Variants in CDH12 observed in about 807,000 individuals in gnomAD.
The protein encoded by CDH12 is cadherin-12.
A neutral mutation model predicts 74.1 loss-of-function variants in CDH12; 41 were observed. The ratio of observed to expected loss-of-function variants is 0.55; its 90% CI spans 0.43 to 0.72. The LOEUF (loss-of-function observed/expected upper bound fraction) is 0.72. CDH12 is among the 30% of genes least tolerant of loss of function. CDH12 has a pLI of 0.00. For missense variants in CDH12, 945 were observed against 977.2 expected, an observed-to-expected ratio of 0.97 and a Z score of 0.44; for synonymous variants, 399 against 355.0, an observed-to-expected ratio of 1.12 and a Z score of -1.39.
In CDH12 at chr5:21,805,155, A is replaced by G. The variant is rs189311011; in HGVS notation, c.1003-2735T>C. Among the ~76,000 whole-genome samples, 166 of 152,216 alleles carry G rather than the reference A, an allele frequency of 1.1e-3. 1 individual carries two copies. The highest frequency in any genetic ancestry group is 3.8e-3 in the African/African-American group (158 of 41,568). On this transcript the variant is annotated intron_variant, in intron 9 of 14. Coordinates refer to ENST00000382254, the MANE Select transcript of CDH12 (RefSeq NM_004061.5). ...AGGCAAAAATTAACTTCTATCTTAGAATGTAAACGTTTGTACCAATCATTC... is the reference window on the plus strand; with the variant it reads ...AGGCAAAAATTAACTTCTATCTTAGGATGTAAACGTTTGTACCAATCATTC...
chr5:22,156,383 C>T (rs1748024205), intron 4 of CDH12, among the ~76,000 whole-genome samples: 1 of 152,020 alleles, frequency 6.6e-6, no homozygotes. Context: ...ATTTAATGAG[C>T]ATAATTTTTA....
intron 4 of CDH12, among the ~76,000 whole-genome samples, chr5:22,156,217 T>C (rs2150315177): frequency 6.6e-6 from 1 of 152,276 alleles, no homozygotes; most frequent in South Asian, 2.1e-4. Context: ...TTTCTAACCT[T>C]CTTCTGTCTG....
rs1286513237 is a variant in CDH12, at chr5:21,816,665, A to G, written c.1002+280T>C. Among the ~76,000 whole-genome samples, 4 of 145,008 alleles carry G rather than the reference A, an allele frequency of 2.8e-5. No individual in the cohort carries two copies. In the East Asian group the frequency reaches 8.1e-4, roughly 29 times the overall value. On this transcript the variant is annotated intron_variant, in intron 9 of 14. Transcript: ENST00000382254. ...AAAAAAAAAAAAAAGAATAGAGTAT[A>G]TACTATATATAAGATACAAACTATG... is the stretch of plus-strand genomic sequence containing the variant.
intron 3 of CDH12, among the ~76,000 whole-genome samples, chr5:22,404,536 C>G (rs908473944): frequency 1.9e-4 from 29 of 152,178 alleles, no homozygotes; most frequent in East Asian, 7.7e-4. Flanking sequence ...GAAAAATGTT[C>G]TTACATACTT....
At chr5:22,136,758 T>C (rs1301829771) in intron 4 of CDH12, among the ~76,000 whole-genome samples, 1 of 150,660 alleles carries the variant, frequency 6.6e-6, no homozygotes, top group Non-Finnish European at 1.5e-5. Flanking sequence ...CTGAGTATTG[T>C]AGCTCTAAAG....
chr5:22,769,797 T>G lies in CDH12; in HGVS notation c.-523+83261A>C, dbSNP rs965832633. Among the ~76,000 whole-genome samples the G allele has an allele frequency of 4.6e-5, 7 of 152,072 alleles. No homozygotes were observed. In the East Asian group the frequency reaches 7.7e-4, roughly 17 times the overall value. On this transcript the variant is annotated intron_variant, in intron 1 of 14. Transcript: ENST00000382254. ...ATACAAATAGTATTTTCTTATGATA[T>G]TCTATGGAAATCTAAGTTAGGATTT... is the stretch of plus-strand genomic sequence containing the variant.
At chr5:22,622,689 C>CG (rs1554054561) in intron 1 of CDH12, among the ~76,000 whole-genome samples, 1 of 151,770 alleles carries the variant, frequency 6.6e-6, no homozygotes, top group Non-Finnish European at 1.5e-5. Flanking sequence ...AGTAGCCTAC[C>CG]ACCAAAAAAA....
chr5:21,832,135 G>A (rs188866291), intron 8 of CDH12, among the ~76,000 whole-genome samples: 2 of 151,952 alleles, frequency 1.3e-5, no homozygotes, highest in Admixed American at 6.6e-5. Context: ...ATTTCTAAGG[G>A]ACCTGTCAAT....
At chr5:21,835,263 A>G (rs1464759192) in intron 8 of CDH12, among the ~76,000 whole-genome samples, 1 of 151,936 alleles carries the variant, frequency 6.6e-6, no homozygotes, top group Non-Finnish European at 1.5e-5. Context: ...TTGAGACTAT[A>G]TGAATATACC....
chr5:22,059,355 C>T (rs1741015239), intron 5 of CDH12, among the ~76,000 whole-genome samples: 1 of 105,030 alleles, frequency 9.5e-6, no homozygotes, highest in African/African-American at 6.3e-5. Flanking sequence ...ATCTATCTAT[C>T]TATCTATCTA....
intron 1 of CDH12, among the ~76,000 whole-genome samples, chr5:22,640,457 A>C (rs1015950198): frequency 3.3e-5 from 5 of 152,080 alleles, no homozygotes; most frequent in Non-Finnish European, 7.4e-5. Context: ...TTGTTTTTCT[A>C]ATTCTCCTCT....
At chr5:22,208,635 T>G (rs1431088046) in intron 4 of CDH12, among the ~76,000 whole-genome samples, 2 of 152,198 alleles carry the variant, frequency 1.3e-5, no homozygotes, top group Non-Finnish European at 2.9e-5. Flanking sequence ...ACATTTTTAT[T>G]GGCATGGTTC....
chr5:22,436,648 C>T (rs959906842), intron 2 of CDH12, among the ~76,000 whole-genome samples: 41 of 151,926 alleles, frequency 2.7e-4, no homozygotes, highest in African/African-American at 8.7e-4. Flanking sequence ...ACTCACTGGG[C>T]GGATACGCTA....
intron 1 of CDH12, among the ~76,000 whole-genome samples, chr5:22,625,167 T>C (rs1189243484): frequency 6.6e-6 from 1 of 151,914 alleles, no homozygotes; most frequent in Non-Finnish European, 1.5e-5. Context: ...TCTTGGGTTG[T>C]GGGGAGCGGG....
In CDH12 at chr5:22,626,437, G is replaced by A. The variant is rs1018363932; in HGVS notation, c.-522-121073C>T. The stretch of plus-strand genomic sequence containing the variant: ...AGTTAGGGAATAAAGCTGGGGCCTG[G>A]TACCAGATCCCAGTGATAGAGCACA... On this transcript the variant is annotated intron_variant, in intron 1 of 14. Transcript: ENST00000382254. Among the ~76,000 whole-genome samples, 5 of 152,222 alleles carry A rather than the reference G, an allele frequency of 3.3e-5. No individual in the cohort carries two copies. The East Asian group carries it at 9.7e-4, about 29-fold the overall frequency.
chr5:22,494,295 G>A lies in CDH12; in HGVS notation c.-428+10975C>T, dbSNP rs749347732. 5.3e-5 allele frequency among the ~76,000 whole-genome samples: 8 copies of A among 152,088 alleles called. No homozygotes were observed. In the South Asian group the frequency reaches 8.3e-4, roughly 16 times the overall value. ...CAAAGCTGTGCACATTAGGTGAATC[G>A]GTGTGTCTAAACGGTCCTGGTGTGA... On this transcript the variant is annotated intron_variant, in intron 2 of 14. Transcript: ENST00000382254.
chr5:22,758,524 A>G (rs1322089183), intron 1 of CDH12, among the ~76,000 whole-genome samples: 2 of 151,006 alleles, frequency 1.3e-5, no homozygotes, highest in Non-Finnish European at 1.5e-5. Flanking sequence ...TCTAACATCC[A>G]TTTGATTTAT....
At chr5:21,850,139 G>A (rs556779167) in intron 7 of CDH12, among the ~76,000 whole-genome samples, 41 of 151,654 alleles carry the variant, frequency 2.7e-4, no homozygotes, top group African/African-American at 8.7e-4. Context: ...GATTATAAGG[G>A]TCAGGGTATG....
intron 3 of CDH12, among the ~76,000 whole-genome samples, chr5:22,294,381 C>T (rs941641864): frequency 6.6e-6 from 1 of 152,112 alleles, no homozygotes; most frequent in Non-Finnish European, 1.5e-5. Flanking sequence ...GTGTTGGGGG[C>T]CACTATTCCC....
Sources: gnomAD v4.1 joint callset for allele counts (sites outside exome capture counted in the v4.1 genomes callset) on GRCh38, gnomAD v4.1.1 for gene constraint, MANE v1.5 for transcripts, NCBI Gene and HGNC (gene_info 2026-07-23, HGNC 2026-07-21) for gene names.